Variants in ANAPC1 observed in about 807,000 individuals in gnomAD.
ANAPC1 encodes the protein anaphase-promoting complex subunit 1.
In ANAPC1, 36 loss-of-function variants were observed where a neutral mutation model predicts 208.0. That is an observed-to-expected ratio of 0.17 (90% CI 0.13 to 0.23). The LOEUF is 0.23. Among genes scored for constraint, ANAPC1 ranks in the 10% least tolerant of loss-of-function variants. ANAPC1 has a pLI of 1.00. For missense variants in ANAPC1, 942 were observed against 2,011.6 expected, an observed-to-expected ratio of 0.47 and a Z score of 10.17; for synonymous variants, 378 against 695.2, an observed-to-expected ratio of 0.54 and a Z score of 7.18.
intron 13 of ANAPC1, among the ~76,000 whole-genome samples, chr2:111,856,159 C>T (rs1210167169): frequency 6.6e-6 from 1 of 152,094 alleles, no homozygotes; most frequent in Non-Finnish European, 1.5e-5. Flanking sequence ...AGTGTGAACC[C>T]GGGAGGCGGA....
intron 7 of ANAPC1, among the ~76,000 whole-genome samples, chr2:111,866,825 G>A (rs548138501): frequency 0.013 from 1,903 of 148,204 alleles, 29 homozygotes; most frequent in Middle Eastern, 0.058. Context: ...AAAAGGCTGC[G>A]TGCCATTTAA....
chr2:111,797,365 G>A (rs1444144573), intron 34 of ANAPC1, among the ~76,000 whole-genome samples: 1 of 152,116 alleles, frequency 6.6e-6, no homozygotes, highest in East Asian at 1.9e-4. Flanking sequence ...TAATGAGTAT[G>A]TGCTGAATGA....
At chr2:111,769,837 C>T (rs1267908715) in intron 47 of ANAPC1, among the ~76,000 whole-genome samples, 23 of 148,914 alleles carry the variant, frequency 1.5e-4, no homozygotes, top group African/African-American at 3.7e-4. Flanking sequence ...CCCACCACCA[C>T]GCCCAGCTAA....
At chr2:111,876,248 T>C (rs1195505303) in intron 3 of ANAPC1, among the ~76,000 whole-genome samples, 1 of 140,710 alleles carries the variant, frequency 7.1e-6, no homozygotes, top group Non-Finnish European at 1.6e-5. Context: ...AAAGAATAAA[T>C]GAAAAAATAA....
chr2:111,881,267 G>A (rs1375887083), intron 1 of ANAPC1, among the ~76,000 whole-genome samples: 1 of 152,074 alleles, frequency 6.6e-6, no homozygotes, highest in Non-Finnish European at 1.5e-5. Context: ...GTACATCTAA[G>A]GGATCATTGT....
At chr2:111,787,770 G>T (rs1169167482) in intron 39 of ANAPC1, among the ~76,000 whole-genome samples, 2 of 148,482 alleles carry the variant, frequency 1.3e-5, no homozygotes, top group Non-Finnish European at 3.0e-5. Context: ...GCTGTATTTT[G>T]CTTTTCTTGT....
intron 7 of ANAPC1, among the ~76,000 whole-genome samples, chr2:111,867,281 ACT>A (rs975351602): frequency 1.3e-5 from 2 of 151,318 alleles, no homozygotes; most frequent in African/African-American, 4.9e-5. Context: ...CAAGAGCAAA[ACT>A]CTGTCTTAAA....
chr2:111,778,072 T>C (rs1331462984), intron 45 of ANAPC1, among the ~76,000 whole-genome samples: 3 of 152,266 alleles, frequency 2.0e-5, no homozygotes, highest in Non-Finnish European at 2.9e-5. Context: ...CTGAAAGATA[T>C]GATAATACTG....
chr2:111,873,690 T>C (rs1441101098), intron 3 of ANAPC1, 26 bp from the exon 4 acceptor site: 1 of 1,561,654 alleles, frequency 6.4e-7, no homozygotes, highest in Admixed American at 2.2e-5. Flanking sequence ...AATGCTTACC[T>C]AAGAAAATTA....
intron 38 of ANAPC1, among the ~76,000 whole-genome samples, chr2:111,791,519 T>G (rs911044681): frequency 6.6e-6 from 1 of 152,038 alleles, no homozygotes. Flanking sequence ...AGCATATCCA[T>G]CAATGGGGGA....
intron 21 of ANAPC1, among the ~76,000 whole-genome samples, chr2:111,829,065 T>G (rs1328743287): frequency 1.3e-5 from 2 of 151,980 alleles, no homozygotes; most frequent in Non-Finnish European, 2.9e-5. Context: ...AATACAAAAA[T>G]TAGCCAGACT....
intron 3 of ANAPC1, among the ~76,000 whole-genome samples, chr2:111,876,748 C>T (rs1683043585): frequency 6.6e-6 from 1 of 152,122 alleles, no homozygotes; most frequent in East Asian, 1.9e-4. Flanking sequence ...CAGTACTCAT[C>T]AGGAAATAGT....
chr2:111,883,649 A>G (rs114211178), intron 1 of ANAPC1, among the ~76,000 whole-genome samples: 226 of 152,310 alleles, frequency 1.5e-3, no homozygotes, highest in African/African-American at 4.9e-3. Context: ...AGGCTCAGAA[A>G]AACAGCTCAG....
At chr2:111,770,573 T>C (rs1490673518) in intron 47 of ANAPC1, among the ~76,000 whole-genome samples, 2 of 150,714 alleles carry the variant, frequency 1.3e-5, no homozygotes, top group South Asian at 2.1e-4. Context: ...ATGTTTATTT[T>C]TTTTTCACGG....
chr2:111,880,032 G>A (rs1269091135), intron 2 of ANAPC1, among the ~76,000 whole-genome samples: 2 of 152,076 alleles, frequency 1.3e-5, no homozygotes, highest in East Asian at 3.8e-4. Context: ...AAAAGAAAAA[G>A]GTTTAAAATG....
At position 111,880,787 on chromosome 2, in the gene ANAPC1, T is replaced by G; in HGVS notation, c.39A>C (p.Ala13=). The part of the protein sequence containing the change: ...NFYEERTTMI[A]ARDLQEFVPF... ...GAACAAATTCCTGCAAATCCCTTGC[T>G]GCAATCATCGTTGTCCTTTCTTCAT... The change falls in exon 2 of 48, where the codon GCA becomes GCC. Residue 13 remains alanine, a synonymous_variant. Coordinates refer to ENST00000341068, the MANE Select transcript of ANAPC1 (RefSeq NM_022662.4). 4 of 1,613,914 alleles carry G rather than the reference T, an allele frequency of 2.5e-6. No individual in the cohort carries two copies. Among genetic ancestry groups the G allele is most frequent in the Middle Eastern group, 3.3e-4 (2 of 6,056 alleles).
intron 37 of ANAPC1, among the ~76,000 whole-genome samples, chr2:111,792,768 T>C (rs976004190): frequency 4.0e-4 from 60 of 151,732 alleles, no homozygotes; most frequent in East Asian, 7.8e-4. Context: ...CCGGCTAACA[T>C]GGTGAAACCC....
intron 37 of ANAPC1, among the ~76,000 whole-genome samples, chr2:111,793,412 A>G (rs1400862362): frequency 1.3e-5 from 2 of 151,480 alleles, no homozygotes; most frequent in Non-Finnish European, 2.9e-5. Flanking sequence ...TTTTGTAGAG[A>G]TGGGGTCTCC....
intron 2 of ANAPC1, 39 bp from the exon 3 acceptor site, chr2:111,879,010 T>C: frequency 5.1e-6 from 8 of 1,574,122 alleles, no homozygotes; most frequent in Non-Finnish European, 6.9e-6. Flanking sequence ...TCAAGCACTC[T>C]TTTTTTGTTC....
Sources: allele counts gnomAD v4.1 joint callset (sites outside exome capture counted in the v4.1 genomes callset), GRCh38; gene constraint gnomAD v4.1.1; transcripts MANE v1.5; gene names NCBI Gene and HGNC (gene_info 2026-07-23, HGNC 2026-07-21).